SKIL: variants seen among roughly 807,000 people sequenced by gnomAD.
SKIL encodes the protein SKI like proto-oncogene, also known as ski-like protein.
Under a neutral mutation model 69.6 loss-of-function variants are expected in SKIL, and 20 were observed. That is an observed-to-expected ratio of 0.29 (90% CI 0.20 to 0.42). The LOEUF (loss-of-function observed/expected upper bound fraction) is 0.42, where lower values mean the gene tolerates loss of function less well. Ranked by LOEUF, SKIL falls within the 10% of genes least tolerant of loss-of-function variation. SKIL has a pLI of 1.00. For missense variants in SKIL, 745 were observed against 783.1 expected, an observed-to-expected ratio of 0.95 and a Z score of 0.58; for synonymous variants, 310 against 279.9, an observed-to-expected ratio of 1.11 and a Z score of -1.08.
At chr3:170,377,104 T>A (rs1316192958) in intron 2 of SKIL, among the ~76,000 whole-genome samples, 1 of 152,222 alleles carries the variant, frequency 6.6e-6, no homozygotes, top group Non-Finnish European at 1.5e-5. Context: ...CAGAAGTCAG[T>A]TCCCTTTCTT....
At chr3:170,392,224 C>A in intron 6 of SKIL, 35 bp from the exon 7 acceptor site, 2 of 1,528,636 alleles carry the variant, frequency 1.3e-6, no homozygotes, top group South Asian at 1.3e-5. Context: ...AAAAACAAAA[C>A]AATTAAAATT....
intron 3 of SKIL, among the ~76,000 whole-genome samples, chr3:170,382,533 G>A (rs1235429148): frequency 6.6e-6 from 1 of 151,020 alleles, no homozygotes; most frequent in Non-Finnish European, 1.5e-5. Flanking sequence ...TCTTGTCATG[G>A]CATCCTGTAG....
chr3:170,389,835 A>G (rs1469785602), intron 4 of SKIL, among the ~76,000 whole-genome samples: 1 of 152,058 alleles, frequency 6.6e-6, no homozygotes, highest in African/African-American at 2.4e-5. Context: ...CTTTTTCAAG[A>G]TTATTTTGCC....
intron 2 of SKIL, among the ~76,000 whole-genome samples, chr3:170,370,739 C>T (rs1489204298): frequency 6.6e-6 from 1 of 152,010 alleles, no homozygotes; most frequent in East Asian, 1.9e-4. Flanking sequence ...AAGAAACTTA[C>T]TAAAAGTTTG....
At chr3:170,384,370 T>A (rs1219399666) in intron 3 of SKIL, among the ~76,000 whole-genome samples, 163 bp from the exon 4 acceptor site, 1 of 152,188 alleles carries the variant, frequency 6.6e-6, no homozygotes, top group East Asian at 1.9e-4. Flanking sequence ...GTTGATTTTT[T>A]TCCTAAGAAT....
intron 2 of SKIL, among the ~76,000 whole-genome samples, chr3:170,365,043 G>A (rs745848782): frequency 7.9e-5 from 12 of 152,108 alleles, no homozygotes; most frequent in Non-Finnish European, 1.8e-4. Flanking sequence ...CTTTTCTTTG[G>A]TTCATATTTA....
intron 2 of SKIL, among the ~76,000 whole-genome samples, chr3:170,372,316 A>T (rs1008678404): frequency 1.3e-5 from 2 of 152,218 alleles, no homozygotes; most frequent in Non-Finnish European, 2.9e-5. Flanking sequence ...AAGTATCTCA[A>T]ACCTAAAATT....
chr3:170,364,497 G>A lies in SKIL; in HGVS notation c.1098+3068G>A, dbSNP rs114407746. Among the ~76,000 whole-genome samples, 1,498 of 151,728 alleles carry A rather than the reference G, an allele frequency of 9.9e-3. 29 individuals are homozygous for A. Among genetic ancestry groups the A allele is most frequent in the African/African-American group, 0.034 (1,419 of 41,352 alleles). On this transcript the variant is annotated intron_variant, in intron 2 of 6. Coordinates refer to ENST00000259119, the MANE Select transcript of SKIL (RefSeq NM_005414.5). ...CACCACCATGCCTAGCTTGTTTTTT[G>A]TATTTTTAGTAGAGATGGGATTTTA...
intron 1 of SKIL, among the ~76,000 whole-genome samples, chr3:170,358,323 G>A (rs946167769): frequency 2.6e-4 from 40 of 152,020 alleles, no homozygotes; most frequent in South Asian, 4.2e-4. Context: ...GCCCCCGCGG[G>A]GGGGCGGTGT....
rs1304964366 is a variant in SKIL at position 170,360,969 on chromosome 3, T to A, written c.638T>A (p.Phe213Tyr). Residue 213 changes from phenylalanine (F) to tyrosine (Y), a missense_variant, in exon 2 of 7, where the codon TTC (phenylalanine) becomes TAC (tyrosine). Phe to Tyr is a conservative substitution (Grantham distance 22). Coordinates refer to ENST00000259119, the MANE Select transcript of SKIL (RefSeq NM_005414.5). ...TTAAAGGTACTGGGCATACTTCCAT[T>A]CAATGCCCCATCCTGTGGGCTGATT... ...HILKVLGILP[F>Y]NAPSCGLITL... 4 of 1,614,024 alleles carry A rather than the reference T, an allele frequency of 2.5e-6. No homozygotes were observed. The highest frequency in any genetic ancestry group is 3.4e-6 in the Non-Finnish European group (4 of 1,179,980).
Position 170,376,875 on chromosome 3 carries a change from T to C in SKIL, c.1099-4369T>C, listed in dbSNP as rs149236333. The stretch of plus-strand genomic sequence containing the variant: ...TATCACAGATGTGAGCCGTTGCGCC[T>C]GGCCAACTCAAGATTCTTAAACATT... On this transcript the variant is annotated intron_variant, in intron 2 of 6. Coordinates refer to ENST00000259119, the MANE Select transcript of SKIL (RefSeq NM_005414.5). Among the ~76,000 whole-genome samples, 1,228 of 152,292 alleles carry C rather than the reference T, an allele frequency of 8.1e-3. 15 individuals carry two copies. The highest frequency in any genetic ancestry group is 0.017 in the Middle Eastern group (5 of 294).
At chr3:170,387,431 A>C (rs978381917) in intron 4 of SKIL, among the ~76,000 whole-genome samples, 1 of 152,172 alleles carries the variant, frequency 6.6e-6, no homozygotes, top group Non-Finnish European at 1.5e-5. Flanking sequence ...GGAATTGTAC[A>C]ATATGTGGCT....
Position 170,394,850 on chromosome 3 carries a change from A to T in SKIL, c.*2433A>T, listed in dbSNP as rs1310537612. 1.3e-5 allele frequency: 2 copies of T among 152,316 alleles called. No individual in the cohort carries two copies. The highest frequency in any genetic ancestry group is 2.9e-5 in the Non-Finnish European group (2 of 68,002). The allele number at this position is 152,316 out of a possible 1,614,324, so 9.4% of individuals were successfully genotyped here. The stretch of plus-strand genomic sequence containing the variant: ...ATATAGAGATTTTGTAATACCTTAT[A>T]AGTGGAGTTGGCTAAAATACCTTAT... On this transcript the variant is annotated 3_prime_UTR_variant, in exon 7 of 7. Coordinates refer to ENST00000259119, the MANE Select transcript of SKIL (RefSeq NM_005414.5).
intron 2 of SKIL, among the ~76,000 whole-genome samples, chr3:170,373,158 G>A (rs975063398): frequency 4.0e-5 from 6 of 150,648 alleles, no homozygotes; most frequent in African/African-American, 1.5e-4. Context: ...CACCAGGCCC[G>A]GCTAATTTTT....
chr3:170,390,502 G>A, intron 5 of SKIL, 38 bp downstream of exon 5: 1 of 1,563,934 alleles, frequency 6.4e-7, no homozygotes, highest in South Asian at 1.1e-5. Context: ...ATTATGAAAA[G>A]ATACTTTTGT....
At chr3:170,380,454 C>A (rs1451103895) in intron 2 of SKIL, among the ~76,000 whole-genome samples, 1 of 151,974 alleles carries the variant, frequency 6.6e-6, no homozygotes, top group Non-Finnish European at 1.5e-5. Flanking sequence ...ATCAGCCTGG[C>A]CAACATGGCA....
chr3:170,358,833 G>C (rs754682310), intron 1 of SKIL, among the ~76,000 whole-genome samples: 1 of 152,180 alleles, frequency 6.6e-6, no homozygotes, highest in Non-Finnish European at 1.5e-5. Context: ...GAGATTCCCA[G>C]GCGTGGAGTC....
Position 170,392,421 on chromosome 3 carries a change from CT to C in SKIL, c.*5del. On this transcript the variant is annotated 3_prime_UTR_variant, in exon 7 of 7. Coordinates refer to ENST00000259119, the MANE Select transcript of SKIL (RefSeq NM_005414.5). ...ATCAAAGACTGCTAAAGAATAGAAA[CT>C]GTTAAAGAGATTCATCTGTGTATTA... 1 of 1,596,678 alleles carries C rather than the reference CT, an allele frequency of 6.3e-7. No homozygotes were observed. Among genetic ancestry groups the C allele is most frequent in the Non-Finnish European group, 8.5e-7 (1 of 1,170,116 alleles).
rs1021340685 is a variant in SKIL at position 170,393,472 on chromosome 3, G to A, written c.*1055G>A. ...AATTTACAGTCAACTGATAGTACAT[G>A]ATAGGTGCATATAGGACAGTTTAGT... On this transcript the variant is annotated 3_prime_UTR_variant, in exon 7 of 7. Coordinates refer to ENST00000259119, the MANE Select transcript of SKIL (RefSeq NM_005414.5). 6 of 152,166 alleles carry A rather than the reference G, an allele frequency of 3.9e-5. No individual in the cohort carries two copies. Among genetic ancestry groups the A allele is most frequent in the Admixed American group, 2.6e-4 (4 of 15,266 alleles). The allele number at this position is 152,166 out of a possible 1,614,324, so 9.4% of individuals were successfully genotyped here.
Sources: allele counts gnomAD v4.1 joint callset (sites outside exome capture counted in the v4.1 genomes callset), GRCh38; gene constraint gnomAD v4.1.1; transcripts MANE v1.5; gene names NCBI Gene and HGNC (gene_info 2026-07-23, HGNC 2026-07-21).